The following RSF1 variants were observed in gnomAD, a reference collection of about 807,000 sequenced individuals.
RSF1 encodes the protein HBV pX-associated protein 8.
Under a neutral mutation model 145.2 loss-of-function variants are expected in RSF1, and 13 were observed. The ratio of observed to expected loss-of-function variants is 0.09; its 90% CI spans 0.06 to 0.14. RSF1 has a LOEUF of 0.14. Among genes scored for constraint, RSF1 ranks in the 10% least tolerant of loss-of-function variants. The pLI, the probability that RSF1 is intolerant of heterozygous loss-of-function variation, is 1.00. For missense variants in RSF1, 1,517 were observed against 1,718.2 expected (o/e 0.88, Z 2.07); for synonymous variants, 577 against 592.6 (o/e 0.97, Z 0.38).
chr11:77,869,306 C>CTCTTTTTTTTTTTTTTTTTT, the RSF1 span: 2 of 120,372 alleles, frequency 1.7e-5, 1 homozygote. Context: ...TTATTTATCT[C>CTCTTTTTTTTTTTTTTTTTT]TTTTTCTTTT....
the RSF1 span, chr11:77,872,218 ATG>A: frequency 3.7e-6 from 6 of 1,613,776 alleles, no homozygotes; most frequent in Admixed American, 6.7e-5. Flanking sequence ...CATGGCATTG[ATG>A]TGCGGGTCCT....
intron 2 of RSF1, among the ~76,000 whole-genome samples, chr11:77,759,413 G>A (rs1017549066): frequency 2.0e-5 from 3 of 152,204 alleles, no homozygotes; most frequent in Non-Finnish European, 2.9e-5. Flanking sequence ...TGGGCGTAGC[G>A]GCTCACACCT....
chr11:77,750,311 T>A lies in RSF1; in HGVS notation c.280-3183A>T, dbSNP rs182690415. 1.9e-3 allele frequency among the ~76,000 whole-genome samples: 287 copies of A among 152,326 alleles called. 1 individual carries two copies. The highest frequency in any genetic ancestry group is 4.1e-3 in the Admixed American group (63 of 15,306). ...GAAATAATTTAGGCACTATAGGCCA[T>A]AGAGTCTCTCTTGTATCTATTCAAA... On this transcript the variant is annotated intron_variant, in intron 2 of 15. Coordinates refer to ENST00000308488, the MANE Select transcript of RSF1 (RefSeq NM_016578.4).
intron 1 of RSF1, chr11:77,813,721 G>C: frequency 2.5e-6 from 1 of 399,122 alleles, no homozygotes; most frequent in Non-Finnish European, 4.9e-6. Flanking sequence ...CGGCGAGAGC[G>C]AACAGTAGTG....
intron 1 of RSF1, among the ~76,000 whole-genome samples, chr11:77,817,699 T>G (rs1011836428): frequency 8.5e-5 from 13 of 152,250 alleles, no homozygotes; most frequent in Admixed American, 8.5e-4. Flanking sequence ...TATTGAGCCT[T>G]AGTTTCTATG....
chr11:77,710,496 T>A (rs1465089154), intron 5 of RSF1, among the ~76,000 whole-genome samples: 1 of 152,178 alleles, frequency 6.6e-6, no homozygotes, highest in African/African-American at 2.4e-5. Flanking sequence ...GGACACCAAA[T>A]CCACTGTCCT....
chr11:77,747,356 C>G (rs758968197), intron 2 of RSF1, among the ~76,000 whole-genome samples: 1 of 152,212 alleles, frequency 6.6e-6, no homozygotes, highest in African/African-American at 2.4e-5. Flanking sequence ...GTAGCTCTCT[C>G]CTCTGCTATC....
chr11:77,841,284 G>A, the RSF1 span: 1 of 701,400 alleles, frequency 1.4e-6, no homozygotes, highest in South Asian at 1.5e-5. Context: ...TTGGAAGGGT[G>A]CAGACATTCA....
Position 77,701,918 on chromosome 11 carries a change from T to A in RSF1, c.1311A>T (p.Glu437Asp). The A allele has an allele frequency of 6.2e-7, 1 of 1,613,838 alleles. No individual in the cohort carries two copies. The highest frequency in any genetic ancestry group is 8.5e-7 in the Non-Finnish European group (1 of 1,179,912). ...CTTCTCCATTTACCAGCTGTTTCCC[T>A]TCATGACCCAAAGCAGTGATTGTAG... ...RISTITALGH[E>D]GKQLVNGEVS... The change falls in exon 6 of 16, where the codon GAA becomes GAT. Residue 437 changes from glutamate to aspartate, a missense_variant. Glu to Asp is a conservative substitution (Grantham distance 45). Transcript: ENST00000308488.
At chr11:77,769,342 GA>G (rs759209990) in intron 1 of RSF1, among the ~76,000 whole-genome samples, 2 of 152,154 alleles carry the variant, frequency 1.3e-5, no homozygotes, top group Non-Finnish European at 2.9e-5. Context: ...TCACCTGCAA[GA>G]TTTCTAAAAC....
chr11:77,681,572 GCCCAGCCAAT>G (rs1200917017), intron 11 of RSF1, among the ~76,000 whole-genome samples: 1 of 152,084 alleles, frequency 6.6e-6, no homozygotes, highest in East Asian at 1.9e-4. Flanking sequence ...AAGCCACCAT[GCCCAGCCAAT>G]TTATGTGCAA....
chr11:77,714,108 C>T (rs1323299064), intron 5 of RSF1, among the ~76,000 whole-genome samples: 2 of 152,158 alleles, frequency 1.3e-5, no homozygotes, highest in Admixed American at 1.3e-4. Flanking sequence ...TATTCTTCTC[C>T]CATAAATTTA....
chr11:77,810,651 C>T (rs1158948356), intron 1 of RSF1, among the ~76,000 whole-genome samples: 2 of 152,084 alleles, frequency 1.3e-5, no homozygotes, highest in Admixed American at 6.5e-5. Flanking sequence ...ATCTCTGCCT[C>T]CTGGGTTCAA....
At chr11:77,728,983 C>G (rs1298889635) in intron 4 of RSF1, among the ~76,000 whole-genome samples, 3 of 151,912 alleles carry the variant, frequency 2.0e-5, no homozygotes, top group African/African-American at 7.3e-5. Flanking sequence ...GCATGAAGAG[C>G]TGATTGGATT....
chr11:77,698,761 A>T, intron 6 of RSF1, 68 bp from the exon 7 acceptor site: 1 of 1,298,622 alleles, frequency 7.7e-7, no homozygotes. Context: ...TCCTGATTAC[A>T]TGTCCATTGT....
At chr11:77,680,695 A>G (rs1442176296) in intron 11 of RSF1, among the ~76,000 whole-genome samples, 2 of 152,254 alleles carry the variant, frequency 1.3e-5, no homozygotes, top group Non-Finnish European at 2.9e-5. Flanking sequence ...GCTGCATAGT[A>G]TCTCACCTTA....
intron 9 of RSF1, among the ~76,000 whole-genome samples, chr11:77,687,055 A>G (rs947905239): frequency 2.6e-5 from 4 of 152,336 alleles, no homozygotes; most frequent in Admixed American, 2.6e-4. Context: ...AAAAGTGAAT[A>G]TAAGTGCTTA....
chr11:77,691,215 C>T lies in RSF1; in HGVS notation c.2844G>A (p.Glu948=). The T allele has an allele frequency of 1.9e-6, 3 of 1,614,166 alleles. No individual in the cohort carries two copies. Among genetic ancestry groups the T allele is most frequent in the Non-Finnish European group, 2.5e-6 (3 of 1,180,016 alleles). ...CAACATCCAAATCCTGCAACTGTTC[C>T]TCTAATTTTTCACAGAGCAGTTTCT... ...CQHKLLCEKL[E]EQLQDLDVAL... Residue 948 remains glutamate (E), a synonymous_variant, in exon 9 of 16, where the codon GAG becomes GAA. Coordinates refer to ENST00000308488, the MANE Select transcript of RSF1 (RefSeq NM_016578.4).
chr11:77,711,408 G>A (rs531010730), intron 5 of RSF1, among the ~76,000 whole-genome samples: 27 of 152,264 alleles, frequency 1.8e-4, no homozygotes, highest in African/African-American at 6.0e-4. Flanking sequence ...AGTGGCTCAC[G>A]CCTGTAATCC....
Sources: gnomAD v4.1 joint callset for allele counts (sites outside exome capture counted in the v4.1 genomes callset) on GRCh38, gnomAD v4.1.1 for gene constraint, MANE v1.5 for transcripts, NCBI Gene and HGNC (gene_info 2026-07-23, HGNC 2026-07-21) for gene names.